FAR2: variants seen among roughly 807,000 people sequenced by gnomAD.
The protein encoded by FAR2 is fatty acyl-CoA reductase 2.
A neutral mutation model predicts 56.0 loss-of-function variants in FAR2; 19 were observed. That is an observed-to-expected ratio of 0.34 (90% CI 0.24 to 0.50). The LOEUF is 0.50. Among genes scored for constraint, FAR2 ranks in the 20% least tolerant of loss-of-function variants. FAR2 has a pLI of 0.98. For missense variants in FAR2, 508 were observed against 642.2 expected (o/e 0.79, Z 2.26); for synonymous variants, 219 against 218.8 (o/e 1.00, Z -0.01).
intron 1 of FAR2, among the ~76,000 whole-genome samples, chr12:29,257,677 A>G (rs996217299): frequency 6.6e-6 from 1 of 152,074 alleles, no homozygotes; most frequent in African/African-American, 2.4e-5. Context: ...GCGCCGCCTT[A>G]AGAGCTGTAA....
At chr12:29,316,278 A>T (rs1422439940) in intron 8 of FAR2, among the ~76,000 whole-genome samples, 2 of 152,230 alleles carry the variant, frequency 1.3e-5, no homozygotes, top group East Asian at 1.9e-4. Flanking sequence ...AAAAAGAAAA[A>T]TACTATTATG....
intron 1 of FAR2, among the ~76,000 whole-genome samples, chr12:29,256,427 A>T (rs1948317465): frequency 6.6e-6 from 1 of 152,120 alleles, no homozygotes; most frequent in Admixed American, 6.5e-5. Context: ...GCATCAAGCG[A>T]TCCTTGTGCC....
At chr12:29,222,949 A>G (rs986066198) in intron 1 of FAR2, among the ~76,000 whole-genome samples, 2 of 152,238 alleles carry the variant, frequency 1.3e-5, no homozygotes, top group African/African-American at 4.8e-5. Context: ...ACACACACTG[A>G]CAATTTGGTC....
intron 1 of FAR2, among the ~76,000 whole-genome samples, chr12:29,233,589 C>T (rs1022513332): frequency 6.6e-6 from 1 of 152,184 alleles, no homozygotes; most frequent in African/African-American, 2.4e-5. Flanking sequence ...TGTCTCTCCT[C>T]GTGTCATAGG....
intron 1 of FAR2, among the ~76,000 whole-genome samples, chr12:29,154,090 A>G (rs1949703229): frequency 6.6e-6 from 1 of 152,236 alleles, no homozygotes; most frequent in Non-Finnish European, 1.5e-5. Flanking sequence ...TTTTTTAAAA[A>G]GTTATCAGCA....
At chr12:29,295,958 C>T (rs1230165287) in intron 3 of FAR2, among the ~76,000 whole-genome samples, 5 of 150,230 alleles carry the variant, frequency 3.3e-5, no homozygotes, top group Admixed American at 1.3e-4. Context: ...TTAGTAGAGA[C>T]GGGGTTTCAC....
chr12:29,297,299 C>T (rs1949088009), intron 4 of FAR2, 99 bp downstream of exon 4: 2 of 1,178,568 alleles, frequency 1.7e-6, no homozygotes, highest in East Asian at 4.8e-5. Flanking sequence ...AAGTCAAACA[C>T]TTTTGAAGCA....
chr12:29,218,229 G>T (rs1367644132), intron 1 of FAR2, among the ~76,000 whole-genome samples: 1 of 151,978 alleles, frequency 6.6e-6, no homozygotes, highest in Non-Finnish European at 1.5e-5. Context: ...TATGATGGCG[G>T]GCACCTGTAG....
chr12:29,203,378 A>T (rs1447621785), intron 1 of FAR2, among the ~76,000 whole-genome samples: 2 of 152,182 alleles, frequency 1.3e-5, no homozygotes, highest in Non-Finnish European at 2.9e-5. Flanking sequence ...CTCCTTTGCA[A>T]AGAAGTATTA....
chr12:29,297,013 T>A lies in FAR2; in HGVS notation c.366-8T>A. 1 of 1,585,216 alleles carries A rather than the reference T, an allele frequency of 6.3e-7. No individual in the cohort carries two copies. Among genetic ancestry groups the A allele is most frequent in the East Asian group, 2.3e-5 (1 of 44,158 alleles). On this transcript the variant is annotated splice_polypyrimidine_tract_variant and splice_region_variant and intron_variant, in intron 3 of 11. Transcript: ENST00000536681. Reference sequence around the variant, plus strand: ...TCATTGTATTTCCTTCTGCTTAATCTTCTCTAGACATGCTGTGCAACTTAA... The same window carrying A: ...TCATTGTATTTCCTTCTGCTTAATCATCTCTAGACATGCTGTGCAACTTAA...
intron 1 of FAR2, among the ~76,000 whole-genome samples, chr12:29,151,109 A>G (rs1949678514): frequency 6.6e-6 from 1 of 152,180 alleles, no homozygotes; most frequent in South Asian, 2.1e-4. Context: ...TCTTGAGTGC[A>G]TTTGTTTCTG....
At chr12:29,204,252 C>G (rs1421657387) in intron 1 of FAR2, among the ~76,000 whole-genome samples, 2 of 151,942 alleles carry the variant, frequency 1.3e-5, no homozygotes, top group African/African-American at 2.4e-5. Context: ...CAAGTACCTC[C>G]TCTAAACCAG....
chr12:29,322,858 G>C (rs1260212685), intron 10 of FAR2, among the ~76,000 whole-genome samples: 1 of 152,164 alleles, frequency 6.6e-6, no homozygotes, highest in Non-Finnish European at 1.5e-5. Context: ...CTAGGAAAGG[G>C]AATTCCCTGA....
chr12:29,150,967 T>C (rs956047366), intron 1 of FAR2, among the ~76,000 whole-genome samples: 2 of 152,174 alleles, frequency 1.3e-5, no homozygotes, highest in African/African-American at 2.4e-5. Flanking sequence ...TGACATCCAG[T>C]TACAGAGGAA....
intron 8 of FAR2, 22 bp from the exon 9 acceptor site, chr12:29,316,819 A>C (rs1949458201): frequency 1.2e-6 from 2 of 1,612,682 alleles, no homozygotes; most frequent in Admixed American, 1.7e-5. Context: ...CTCCTCTAGC[A>C]CTTACTTTCT....
At chr12:29,246,474 T>C (rs913328872) in intron 1 of FAR2, among the ~76,000 whole-genome samples, 1 of 152,264 alleles carries the variant, frequency 6.6e-6, no homozygotes, top group African/African-American at 2.4e-5. Flanking sequence ...ACCTTTACAA[T>C]AGCTTAGAGT....
chr12:29,174,469 C>T (rs995599402), intron 1 of FAR2, among the ~76,000 whole-genome samples: 1 of 104,206 alleles, frequency 9.6e-6, no homozygotes, highest in East Asian at 3.3e-4. Flanking sequence ...TGGAGTCTTG[C>T]TGTGTCACCC....
rs753039850 is a variant in FAR2 at position 29,332,595 on chromosome 12, C to T, written c.1258-5C>T. ...TGGCAATCTATAATCTCTCTTGCCT[C>T]TCAGGTATTCAACTTTGACGTGCGC... On this transcript the variant is annotated splice_polypyrimidine_tract_variant and splice_region_variant and intron_variant, in intron 10 of 11. Transcript: ENST00000536681. 6.2e-7 allele frequency: 1 copy of T among 1,613,546 alleles called. No homozygotes were observed. The highest frequency in any genetic ancestry group is 8.5e-7 in the Non-Finnish European group (1 of 1,179,630).
At chr12:29,291,097 T>G (rs1182150337) in intron 2 of FAR2, among the ~76,000 whole-genome samples, 1 of 152,136 alleles carries the variant, frequency 6.6e-6, no homozygotes, top group Admixed American at 6.5e-5. Context: ...AAACATCTCA[T>G]GTACCCCATA....
Sources: allele counts gnomAD v4.1 joint callset (sites outside exome capture counted in the v4.1 genomes callset), GRCh38; gene constraint gnomAD v4.1.1; transcripts MANE v1.5; gene names NCBI Gene and HGNC (gene_info 2026-07-23, HGNC 2026-07-21).